The following LHFPL6 variants were observed in gnomAD, a reference collection of about 807,000 sequenced individuals.
LHFPL6 encodes LHFPL tetraspan subfamily member 6, also known as LHFPL tetraspan subfamily member 6 protein.
A neutral mutation model predicts 20.6 loss-of-function variants in LHFPL6; 9 were observed. The ratio of observed to expected loss-of-function variants is 0.44; its 90% CI spans 0.26 to 0.76. The LOEUF is 0.76. Ranked by LOEUF, LHFPL6 falls within the 30% of genes least tolerant of loss-of-function variation. LHFPL6 has a pLI of 0.20. For synonymous variants in LHFPL6, 105 were observed against 98.7 expected (o/e 1.06, Z -0.38); for missense variants, 218 against 253.5 (o/e 0.86, Z 0.95).
chr13:39,517,505 A>G (rs758300265), intron 2 of LHFPL6, among the ~76,000 whole-genome samples: 3 of 152,186 alleles, frequency 2.0e-5, no homozygotes, highest in Non-Finnish European at 4.4e-5. Flanking sequence ...TATTGTCTAT[A>G]CTGAAGATCC....
chr13:39,593,273 G>A (rs987183954), intron 2 of LHFPL6, among the ~76,000 whole-genome samples: 8 of 152,220 alleles, frequency 5.3e-5, no homozygotes, highest in African/African-American at 1.9e-4. Context: ...CTTCAGCAAA[G>A]TGTCAGGATA....
intron 2 of LHFPL6, among the ~76,000 whole-genome samples, chr13:39,406,232 A>C (rs1056184479): frequency 7.9e-5 from 12 of 152,202 alleles, no homozygotes; most frequent in Admixed American, 1.3e-4. Flanking sequence ...CATTTGAGGA[A>C]GAATTGTGTC....
intron 3 of LHFPL6, among the ~76,000 whole-genome samples, chr13:39,363,016 G>A (rs565008480): frequency 2.0e-5 from 3 of 152,182 alleles, no homozygotes; most frequent in South Asian, 4.1e-4. Flanking sequence ...GCAAGGTAAA[G>A]TGGTTATATA....
intron 2 of LHFPL6, among the ~76,000 whole-genome samples, chr13:39,457,602 T>C (rs1033886604): frequency 1.3e-4 from 20 of 152,194 alleles, no homozygotes; most frequent in Admixed American, 1.3e-3. Context: ...ACATTTACCA[T>C]ATGACTCTGC....
intron 2 of LHFPL6, among the ~76,000 whole-genome samples, chr13:39,396,401 G>A (rs1007372120): frequency 6.6e-6 from 1 of 152,150 alleles, no homozygotes; most frequent in African/African-American, 2.4e-5. Context: ...CTCAGAATGT[G>A]AACTTATTTG....
At chr13:39,500,505 C>T (rs1281481005) in intron 2 of LHFPL6, among the ~76,000 whole-genome samples, 1 of 152,094 alleles carries the variant, frequency 6.6e-6, no homozygotes, top group Non-Finnish European at 1.5e-5. Context: ...CTCCCACCTC[C>T]CAGACTCCCA....
At chr13:39,393,238 A>G (rs1870756390) in intron 2 of LHFPL6, among the ~76,000 whole-genome samples, 1 of 152,238 alleles carries the variant, frequency 6.6e-6, no homozygotes, top group South Asian at 2.1e-4. Context: ...TGTCTGTTTC[A>G]TGCACTGAGC....
intron 3 of LHFPL6, among the ~76,000 whole-genome samples, chr13:39,371,413 G>C (rs1870163972): frequency 6.6e-6 from 1 of 152,176 alleles, no homozygotes; most frequent in South Asian, 2.1e-4. Flanking sequence ...CAAACTTACT[G>C]TTGCGGAATG....
At chr13:39,433,259 T>C (rs1046225236) in intron 2 of LHFPL6, among the ~76,000 whole-genome samples, 6 of 152,204 alleles carry the variant, frequency 3.9e-5, no homozygotes, top group Non-Finnish European at 1.5e-5. Flanking sequence ...CCATGATGTA[T>C]ATTTAACTCT....
intron 2 of LHFPL6, among the ~76,000 whole-genome samples, chr13:39,420,845 AAGTTT>A (rs1477561023): frequency 6.6e-6 from 1 of 152,190 alleles, no homozygotes; most frequent in Non-Finnish European, 1.5e-5. Flanking sequence ...ATTTGCCCAG[AAGTTT>A]CTCAATTTGT....
chr13:39,588,937 T>C (rs959848067), intron 2 of LHFPL6, among the ~76,000 whole-genome samples: 1 of 152,212 alleles, frequency 6.6e-6, no homozygotes, highest in Non-Finnish European at 1.5e-5. Flanking sequence ...TATCCAACAA[T>C]ATTTTTATAC....
intron 2 of LHFPL6, among the ~76,000 whole-genome samples, chr13:39,434,924 C>T (rs903780227): frequency 1.1e-4 from 16 of 151,424 alleles, no homozygotes; most frequent in East Asian, 1.9e-4. Context: ...GGCGCGGTGG[C>T]GGGCGCCTGT....
At chr13:39,593,532 A>G (rs1433965119) in intron 2 of LHFPL6, among the ~76,000 whole-genome samples, 1 of 151,910 alleles carries the variant, frequency 6.6e-6, no homozygotes, top group Non-Finnish European at 1.5e-5. Flanking sequence ...GAAAATGGCC[A>G]TACTGCCCAA....
rs527545359 is a variant in LHFPL6 at position 39,540,851 on chromosome 13, G to T, written c.385+59981C>A. On this transcript the variant is annotated intron_variant, in intron 2 of 3. Coordinates refer to ENST00000379589, the MANE Select transcript of LHFPL6 (RefSeq NM_005780.3). ...CTTGGATAAAGAACAGTTTACCAAA[G>T]AGCAAAAACAAATGCATTTAGAAAC... 5.9e-5 allele frequency among the ~76,000 whole-genome samples: 9 copies of T among 152,190 alleles called. No homozygotes were observed. In the South Asian group the frequency reaches 1.7e-3, roughly 28 times the overall value.
intron 2 of LHFPL6, among the ~76,000 whole-genome samples, chr13:39,537,010 G>A (rs142901786): frequency 2.2e-4 from 33 of 152,298 alleles, no homozygotes; most frequent in African/African-American, 3.1e-4. Context: ...TGTTGAGAAC[G>A]TTCCCTCCAT....
rs769267476 is a variant in LHFPL6 at position 39,600,886 on chromosome 13, C to G, written c.331G>C (p.Asp111His). The change falls in exon 2 of 4, where the codon GAC becomes CAC. Residue 111 changes from aspartate to histidine, a missense_variant. Asp to His is a moderately conservative substitution (Grantham distance 81, BLOSUM62 -1). Coordinates refer to ENST00000379589, the MANE Select transcript of LHFPL6 (RefSeq NM_005780.3). ...CTTCCCACTGTCCTGGAGATGAGGT[C>G]GGAAACACAGCAACCCATGAGGGCA... ...LTALMGCCVS[D>H]LISRTVGRVA... 1 of 1,550,838 alleles carries G rather than the reference C, an allele frequency of 6.4e-7. No individual in the cohort carries two copies. Among genetic ancestry groups the G allele is most frequent in the Non-Finnish European group, 8.7e-7 (1 of 1,146,634 alleles).
chr13:39,393,596 T>C (rs1037589636), intron 2 of LHFPL6, among the ~76,000 whole-genome samples: 3 of 152,058 alleles, frequency 2.0e-5, no homozygotes, highest in African/African-American at 7.2e-5. Context: ...GGTGGCTAAA[T>C]GGTGAGGATG....
chr13:39,372,275 T>C (rs2138354648), intron 3 of LHFPL6, among the ~76,000 whole-genome samples: 1 of 152,384 alleles, frequency 6.6e-6, no homozygotes, highest in South Asian at 2.1e-4. Context: ...GAGCCAGACT[T>C]GTATAACCTA....
At chr13:39,579,908 C>T (rs1872228035) in intron 2 of LHFPL6, among the ~76,000 whole-genome samples, 1 of 152,186 alleles carries the variant, frequency 6.6e-6, no homozygotes. Flanking sequence ...CTCAGGGTCA[C>T]AGCCCTGTAG....
Sources: gnomAD v4.1 joint callset for allele counts (sites outside exome capture counted in the v4.1 genomes callset) on GRCh38, gnomAD v4.1.1 for gene constraint, MANE v1.5 for transcripts, NCBI Gene and HGNC (gene_info 2026-07-23, HGNC 2026-07-21) for gene names.